SPAM1: variants seen among roughly 807,000 people sequenced by gnomAD.
SPAM1 encodes sperm adhesion molecule 1.
A neutral mutation model predicts 29.6 loss-of-function variants in SPAM1; 22 were observed. That is an observed-to-expected ratio of 0.74 (90% CI 0.53 to 1.06). SPAM1 has a LOEUF of 1.06. Ranked by LOEUF, SPAM1 falls within the 50% of genes least tolerant of loss-of-function variation. The pLI, the probability that SPAM1 is intolerant of heterozygous loss-of-function variation, is 0.00. For synonymous variants in SPAM1, 194 were observed against 204.6 expected, an observed-to-expected ratio of 0.95 and a Z score of 0.44; for missense variants, 534 against 604.0, an observed-to-expected ratio of 0.88 and a Z score of 1.21.
intron 4 of SPAM1, among the ~76,000 whole-genome samples, chr7:123,956,119 G>C (rs974454012): frequency 2.0e-5 from 3 of 151,954 alleles, no homozygotes; most frequent in African/African-American, 4.8e-5. Flanking sequence ...TACTATTTAA[G>C]TGTCATGCTT....
chr7:123,928,347 T>G (rs568985687), intron 1 of SPAM1, among the ~76,000 whole-genome samples: 18 of 152,304 alleles, frequency 1.2e-4, no homozygotes, highest in African/African-American at 4.3e-4. Flanking sequence ...GATATGGGTT[T>G]CCATTAGGGA....
rs147565292 is a variant in SPAM1 at position 123,959,876 on chromosome 7, A to C, written c.1437A>C (p.Gln479His). ...LKPPMETEEP[Q>H]IFYNASPSTL... The stretch of plus-strand genomic sequence containing the variant: ...CTCCCATGGAGACAGAAGAACCTCA[A>C]ATTTTCTACAATGCTTCACCCTCCA... Residue 479 changes from glutamine (Q) to histidine (H), a missense_variant, in exon 5 of 5, where the codon CAA becomes CAC. By Grantham distance (24) the Gln-to-His change is conservative. Coordinates refer to ENST00000682466, the MANE Select transcript of SPAM1 (RefSeq NM_153189.3). 35 of 1,612,936 alleles carry C rather than the reference A, an allele frequency of 2.2e-5. No individual in the cohort carries two copies. The highest frequency in any genetic ancestry group is 1.3e-4 in the Admixed American group (8 of 59,826).
intron 5 of SPAM1, among the ~76,000 whole-genome samples, chr7:123,966,405 C>T (rs1180249693): frequency 1.3e-5 from 2 of 151,982 alleles, no homozygotes; most frequent in Admixed American, 6.6e-5. Flanking sequence ...TTTGACCCAG[C>T]AATCCCATTA....
chr7:123,937,882 A>G (rs902405538), intron 1 of SPAM1, among the ~76,000 whole-genome samples: 1 of 152,142 alleles, frequency 6.6e-6, no homozygotes, highest in African/African-American at 2.4e-5. Flanking sequence ...ATAGAAAGTA[A>G]AAGGTAAAAA....
At chr7:123,926,564 A>T (rs1807891386) in intron 1 of SPAM1, among the ~76,000 whole-genome samples, 1 of 152,204 alleles carries the variant, frequency 6.6e-6, no homozygotes, top group African/African-American at 2.4e-5. Context: ...CACAGCCCTT[A>T]GGAGGTCCTG....
chr7:123,953,609 C>T lies in SPAM1; in HGVS notation c.39C>T (p.Ser13=), dbSNP rs184368302. The T allele has an allele frequency of 7.5e-6, 12 of 1,599,186 alleles. No homozygotes were observed. In the Admixed American group the frequency reaches 1.6e-4, roughly 21 times the overall value. ...VLKFKHIFFR[S]FVKSSGVSQI... Reference sequence around the variant, plus strand: ...AATTCAAGCACATCTTTTTCAGAAGCTTTGTTAAATCAAGTGGAGTATCCC... The same window carrying T: ...AATTCAAGCACATCTTTTTCAGAAGTTTTGTTAAATCAAGTGGAGTATCCC... The change falls in exon 3 of 5, where the codon AGC becomes AGT. Residue 13 remains serine, a synonymous_variant. Coordinates refer to ENST00000682466, the MANE Select transcript of SPAM1 (RefSeq NM_153189.3).
At chr7:123,947,857 GAT>G (rs1419866441) in intron 1 of SPAM1, 1 of 152,074 alleles carries the variant, frequency 6.6e-6, no homozygotes, top group Admixed American at 6.6e-5. Context: ...TGTAAAAAAA[GAT>G]AAAAAGTTCT....
At chr7:123,927,142 A>T (rs1807912399) in intron 1 of SPAM1, among the ~76,000 whole-genome samples, 1 of 152,156 alleles carries the variant, frequency 6.6e-6, no homozygotes, top group Non-Finnish European at 1.5e-5. Context: ...AACCCATCTG[A>T]TGAGAATTTA....
At chr7:123,935,541 G>T (rs1299481339) in intron 1 of SPAM1, among the ~76,000 whole-genome samples, 1 of 152,120 alleles carries the variant, frequency 6.6e-6, no homozygotes, top group Admixed American at 6.5e-5. Context: ...ACTTAGTCCA[G>T]TAGTTTAGGT....
intron 4 of SPAM1, among the ~76,000 whole-genome samples, chr7:123,956,275 A>G (rs1482439251): frequency 6.6e-6 from 1 of 151,978 alleles, no homozygotes; most frequent in Non-Finnish European, 1.5e-5. Context: ...ATTGTTCCCT[A>G]TAGACTCTGT....
At chr7:123,946,829 C>T (rs1487286079) in intron 1 of SPAM1, among the ~76,000 whole-genome samples, 2 of 151,814 alleles carry the variant, frequency 1.3e-5, no homozygotes, top group Non-Finnish European at 2.9e-5. Context: ...ACGCATGTCT[C>T]AGGTGAGCCT....
At chr7:123,964,291 T>C (rs1187450347), downstream of SPAM1, among the ~76,000 whole-genome samples, 1 of 151,852 alleles carries the variant, frequency 6.6e-6, no homozygotes, top group East Asian at 1.9e-4. Flanking sequence ...TTATTTGGTT[T>C]CTAATCATTT....
At chr7:123,939,516 T>C (rs1808362411) in intron 1 of SPAM1, among the ~76,000 whole-genome samples, 1 of 152,210 alleles carries the variant, frequency 6.6e-6, no homozygotes, top group Admixed American at 6.5e-5. Flanking sequence ...TGCTTGGTTT[T>C]TCTTTGAATA....
intron 5 of SPAM1, among the ~76,000 whole-genome samples, chr7:123,966,953 G>A (rs114216140): frequency 0.016 from 2,443 of 152,046 alleles, 55 homozygotes; most frequent in African/African-American, 0.055. Flanking sequence ...GTGCTATATC[G>A]TAGGGAATAG....
chr7:123,930,250 A>G (rs946610428), intron 1 of SPAM1, among the ~76,000 whole-genome samples: 1 of 152,152 alleles, frequency 6.6e-6, no homozygotes, highest in Admixed American at 6.6e-5. Flanking sequence ...TTTCAAATAT[A>G]AAAGTTTTTC....
Position 123,959,942 on chromosome 7 carries a change from T to C in SPAM1, c.1503T>C (p.Leu501=). Residue 501 remains leucine, a synonymous_variant, in exon 5 of 5, where the codon CTT becomes CTC. Coordinates refer to ENST00000682466, the MANE Select transcript of SPAM1 (RefSeq NM_153189.3). ...TGTTCATTGTTAGTATTTTGTTTCT[T>C]ATCATTTCTTCTGTAGCGAGTTTGT... ...ATMFIVSILF[L]IISSVASL 1.2e-6 allele frequency: 2 copies of C among 1,610,324 alleles called. No individual in the cohort carries two copies. Among genetic ancestry groups the C allele is most frequent in the Non-Finnish European group, 1.7e-6 (2 of 1,178,684 alleles).
chr7:123,938,121 T>A (rs912608594), intron 1 of SPAM1, among the ~76,000 whole-genome samples: 2 of 151,152 alleles, frequency 1.3e-5, no homozygotes, highest in African/African-American at 2.4e-5. Context: ...AGATGGAGTC[T>A]CACTGTGTTG....
exon 6 of SPAM1, chr7:123,970,235 T>C (rs1224089004): frequency 2.6e-6 from 4 of 1,549,110 alleles, no homozygotes; most frequent in Non-Finnish European, 3.5e-6. Flanking sequence ...ATTAGCAGAA[T>C]TGGTTTCTTC....
chr7:123,963,393 C>T (rs1584964663), downstream of SPAM1, among the ~76,000 whole-genome samples: 1 of 150,882 alleles, frequency 6.6e-6, no homozygotes, highest in Non-Finnish European at 1.5e-5. Flanking sequence ...TACTTAAATT[C>T]GATTTTAGTA....
Sources: gnomAD v4.1 joint callset for allele counts (sites outside exome capture counted in the v4.1 genomes callset) on GRCh38, gnomAD v4.1.1 for gene constraint, MANE v1.5 for transcripts, NCBI Gene and HGNC (gene_info 2026-07-23, HGNC 2026-07-21) for gene names.